The following NKAIN2 variants were observed in gnomAD, a reference collection of about 807,000 sequenced individuals.
The protein encoded by NKAIN2 is sodium/potassium-transporting ATPase subunit beta-1-interacting protein 2.
Under a neutral mutation model 32.6 loss-of-function variants are expected in NKAIN2, and 14 were observed. That is an observed-to-expected ratio of 0.43 (90% confidence interval 0.28 to 0.67). The LOEUF is 0.67. Ranked by LOEUF, NKAIN2 falls within the 30% of genes least tolerant of loss-of-function variation. NKAIN2 has a pLI of 0.17. For synonymous variants in NKAIN2, 80 were observed against 87.2 expected, an observed-to-expected ratio of 0.92 and a Z score of 0.46; for missense variants, 198 against 258.3, an observed-to-expected ratio of 0.77 and a Z score of 1.60.
chr6:124,033,938 A>G (rs1781503704), intron 1 of NKAIN2, among the ~76,000 whole-genome samples: 1 of 152,088 alleles, frequency 6.6e-6, no homozygotes, highest in Non-Finnish European at 1.5e-5. Flanking sequence ...GAATATCCTT[A>G]CAGTCCAAAA....
chr6:124,561,667 C>A (rs1188123296), intron 3 of NKAIN2, among the ~76,000 whole-genome samples: 3 of 152,086 alleles, frequency 2.0e-5, no homozygotes, highest in Admixed American at 6.6e-5. Flanking sequence ...GATTCACCTT[C>A]CAAGCTGGGG....
intron 2 of NKAIN2, among the ~76,000 whole-genome samples, chr6:124,317,630 A>G (rs1445121318): frequency 6.6e-6 from 1 of 152,032 alleles, no homozygotes. Flanking sequence ...ATTAACTTAT[A>G]TACTATTTTA....
chr6:124,486,294 T>C (rs1318721503), intron 3 of NKAIN2, among the ~76,000 whole-genome samples: 1 of 152,314 alleles, frequency 6.6e-6, no homozygotes, highest in Non-Finnish European at 1.5e-5. Context: ...ATATTTTGTA[T>C]ATTAAACTAG....
chr6:123,977,287 T>G (rs1778688216), intron 1 of NKAIN2, among the ~76,000 whole-genome samples: 1 of 152,180 alleles, frequency 6.6e-6, no homozygotes. Flanking sequence ...GGTGTGTGCC[T>G]GTATGCCTAG....
intron 1 of NKAIN2, among the ~76,000 whole-genome samples, chr6:124,278,891 A>G (rs886690004): frequency 2.6e-5 from 4 of 151,852 alleles, no homozygotes; most frequent in African/African-American, 9.7e-5. Flanking sequence ...CTGGAAATGA[A>G]TTAAAGATTT....
chr6:124,433,029 C>T (rs144602813), intron 3 of NKAIN2, among the ~76,000 whole-genome samples: 3 of 152,076 alleles, frequency 2.0e-5, no homozygotes, highest in African/African-American at 4.8e-5. Flanking sequence ...AGTATGTGCA[C>T]GTGTAAACTA....
chr6:124,477,076 T>C (rs539735887), intron 3 of NKAIN2, among the ~76,000 whole-genome samples: 216 of 149,526 alleles, frequency 1.4e-3, no homozygotes, highest in African/African-American at 5.2e-3. Context: ...TCTGCATTAA[T>C]TTTTTCTGTC....
At chr6:124,499,399 A>T (rs1778196758) in intron 3 of NKAIN2, among the ~76,000 whole-genome samples, 1 of 152,184 alleles carries the variant, frequency 6.6e-6, no homozygotes, top group African/African-American at 2.4e-5. Context: ...AGAAAAGTTA[A>T]ATATTGACCT....
intron 1 of NKAIN2, among the ~76,000 whole-genome samples, chr6:124,014,447 T>C (rs920366227): frequency 6.6e-6 from 1 of 152,092 alleles, no homozygotes; most frequent in Non-Finnish European, 1.5e-5. Context: ...GTTTTTTTCA[T>C]TTTATATGTT....
chr6:124,542,509 A>G (rs1168073988), intron 3 of NKAIN2, among the ~76,000 whole-genome samples: 1 of 152,194 alleles, frequency 6.6e-6, no homozygotes, highest in Admixed American at 6.5e-5. Flanking sequence ...GAAACAGAGA[A>G]GAAAGACTAA....
chr6:124,358,186 C>T (rs1436210938), intron 3 of NKAIN2, among the ~76,000 whole-genome samples: 3 of 152,088 alleles, frequency 2.0e-5, no homozygotes, highest in Non-Finnish European at 2.9e-5. Flanking sequence ...TGTTGGACAT[C>T]TGGGTTGGTT....
chr6:124,148,127 T>C (rs1425054820), intron 1 of NKAIN2, among the ~76,000 whole-genome samples: 1 of 152,192 alleles, frequency 6.6e-6, no homozygotes, highest in African/African-American at 2.4e-5. Context: ...TTCATTTATT[T>C]TTTTTAAACA....
intron 4 of NKAIN2, among the ~76,000 whole-genome samples, chr6:124,737,623 T>G (rs1246641061): frequency 6.6e-6 from 1 of 151,932 alleles, no homozygotes; most frequent in African/African-American, 2.4e-5. Flanking sequence ...CAGGAAAATG[T>G]AAGAAAGTTT....
At chr6:123,901,011 C>T (rs995933605) in intron 1 of NKAIN2, among the ~76,000 whole-genome samples, 1 of 152,160 alleles carries the variant, frequency 6.6e-6, no homozygotes, top group African/African-American at 2.4e-5. Flanking sequence ...TTGATTTACC[C>T]TGCGTATCAT....
At chr6:124,444,283 A>G (rs1479265063) in intron 3 of NKAIN2, among the ~76,000 whole-genome samples, 2 of 152,062 alleles carry the variant, frequency 1.3e-5, no homozygotes, top group African/African-American at 4.8e-5. Flanking sequence ...GGACCCTTAC[A>G]ACTTCAAAAA....
chr6:124,647,697 G>A (rs530002318), intron 3 of NKAIN2, among the ~76,000 whole-genome samples: 1 of 152,124 alleles, frequency 6.6e-6, no homozygotes, highest in African/African-American at 2.4e-5. Flanking sequence ...TTTTAAAAAT[G>A]TAGGGAAGCA....
chr6:123,881,104 C>T (rs574178373), intron 1 of NKAIN2, among the ~76,000 whole-genome samples: 24 of 152,210 alleles, frequency 1.6e-4, no homozygotes, highest in African/African-American at 5.5e-4. Context: ...TAACTGCAAC[C>T]GCCACCTCCC....
At chr6:123,998,739 CTCTCTGTG>C (rs1290630025) in intron 1 of NKAIN2, among the ~76,000 whole-genome samples, 1 of 93,796 alleles carries the variant, frequency 1.1e-5, no homozygotes, top group African/African-American at 4.0e-5. Context: ...TTCTCTCTCT[CTCTCTGTG>C]TGTGTGTGTG....
intron 1 of NKAIN2, among the ~76,000 whole-genome samples, chr6:124,109,250 A>G (rs1210699971): frequency 6.6e-6 from 1 of 151,866 alleles, no homozygotes; most frequent in Non-Finnish European, 1.5e-5. Context: ...TTTTTTGTAA[A>G]CAAGTCTTTC....
Sources: allele counts gnomAD v4.1 joint callset (sites outside exome capture counted in the v4.1 genomes callset), GRCh38; gene constraint gnomAD v4.1.1; transcripts MANE v1.5; gene names NCBI Gene and HGNC (gene_info 2026-07-23, HGNC 2026-07-21).